Variants in MKLN1 observed in about 807,000 individuals in gnomAD.
MKLN1 encodes muskelin.
MKLN1 carries 18 observed loss-of-function variants against 99.0 expected under a neutral mutation model. The observed-to-expected ratio is 0.18, with a 90% confidence interval of 0.13 to 0.27. The LOEUF (loss-of-function observed/expected upper bound fraction) is 0.27. Among genes scored for constraint, MKLN1 ranks in the 10% least tolerant of loss-of-function variants. The pLI, the probability that MKLN1 is intolerant of heterozygous loss-of-function variation, is 1.00. For synonymous variants in MKLN1, 288 were observed against 293.2 expected (o/e 0.98, Z 0.18); for missense variants, 621 against 875.9 (o/e 0.71, Z 3.67).
At chr7:131,284,379 C>T (rs545231606) in intron 3 of MKLN1, among the ~76,000 whole-genome samples, 1 of 152,188 alleles carries the variant, frequency 6.6e-6, no homozygotes, top group Non-Finnish European at 1.5e-5. Context: ...AAATAGGCTA[C>T]AGGTGGTTCT....
chr7:131,479,839 T>C (rs1192666059), intron 17 of MKLN1, among the ~76,000 whole-genome samples: 1 of 112,504 alleles, frequency 8.9e-6, no homozygotes, highest in Non-Finnish European at 1.7e-5. Flanking sequence ...AAAATAATAA[T>C]AATAATAAAT....
chr7:131,198,648 G>A (rs1796683178), intron 2 of MKLN1, among the ~76,000 whole-genome samples: 1 of 152,106 alleles, frequency 6.6e-6, no homozygotes, highest in African/African-American at 2.4e-5. Flanking sequence ...TTTTTTAAAA[G>A]CAAATTTTGA....
intron 2 of MKLN1, among the ~76,000 whole-genome samples, chr7:131,148,491 A>G (rs56319649): frequency 0.051 from 7,818 of 152,294 alleles, 263 homozygotes; most frequent in Non-Finnish European, 0.079. Context: ...AAAACCATTC[A>G]GGGATGGACA....
chr7:131,484,738 G>GTA (rs958302716), intron 17 of MKLN1, among the ~76,000 whole-genome samples: 4 of 152,130 alleles, frequency 2.6e-5, no homozygotes, highest in Non-Finnish European at 5.9e-5. Context: ...TTTCAGTGAG[G>GTA]TATAGTCTAC....
intron 3 of MKLN1, among the ~76,000 whole-genome samples, chr7:131,210,045 CTATT>C (rs893144346): frequency 8.5e-5 from 13 of 152,132 alleles, no homozygotes; most frequent in African/African-American, 2.9e-4. Flanking sequence ...AAAAGTAAAA[CTATT>C]TGTTTAAATC....
Position 131,411,381 on chromosome 7 carries a change from A to G in MKLN1, c.779A>G (p.Lys260Arg). ...RWSQIIPKSTKGDGEDNRPGM... is the reference protein window; with the variant it reads ...RWSQIIPKSTRGDGEDNRPGM... ...AGTCAAATCATTCCCAAAAGTACCA[A>G]AGGTAAGCCATACCTTCTAGATTGT... Residue 260 changes from lysine to arginine, a missense_variant and splice_region_variant, in exon 7 of 18, where the codon AAA (lysine) becomes AGA (arginine). Around this residue, in one of 8 missense-constraint regions of MKLN1, gnomAD observed 361 missense variants for 540.8 expected, o/e 0.67. Coordinates refer to ENST00000352689, the MANE Select transcript of MKLN1 (RefSeq NM_013255.5). 6.3e-7 allele frequency: 1 copy of G among 1,594,706 alleles called. No homozygotes were observed. Among genetic ancestry groups the G allele is most frequent in the Non-Finnish European group, 8.6e-7 (1 of 1,162,390 alleles).
chr7:131,317,023 G>A (rs992862660), intron 3 of MKLN1, among the ~76,000 whole-genome samples: 1 of 152,142 alleles, frequency 6.6e-6, no homozygotes, highest in Non-Finnish European at 1.5e-5. Flanking sequence ...AACCAAGTTG[G>A]AAAACACACT....
At chr7:131,198,272 G>A (rs1183987235) in intron 2 of MKLN1, among the ~76,000 whole-genome samples, 1 of 152,180 alleles carries the variant, frequency 6.6e-6, no homozygotes, top group South Asian at 2.1e-4. Flanking sequence ...TCTTACCTAG[G>A]AACCTTGTCT....
rs539991628 is a variant in MKLN1, at chr7:131,238,810, G to A, written c.-179+35836G>A. ...CCCACCTTCACGTCTTCAACATGTG[G>A]CACTGACAGGCAATGACATCCTGCT... On this transcript the variant is annotated intron_variant, in intron 3 of 7. Transcript: ENST00000416992. 4.9e-4 allele frequency among the ~76,000 whole-genome samples: 74 copies of A among 152,314 alleles called. 2 individuals are homozygous for A. In the South Asian group the frequency reaches 0.015, roughly 31 times the overall value.
chr7:131,406,031 G>A lies in MKLN1; in HGVS notation c.704-5275G>A, dbSNP rs115125412. ...GTTAACACTTTCCACTATGATCATC[G>A]AATTATATGTTTCCTATAGTTGGTC... On this transcript the variant is annotated intron_variant, in intron 6 of 17. Coordinates refer to ENST00000352689, the MANE Select transcript of MKLN1 (RefSeq NM_013255.5). Among the ~76,000 whole-genome samples the A allele has an allele frequency of 4.7e-3, 717 of 152,018 alleles. 7 individuals carry two copies. Among genetic ancestry groups the A allele is most frequent in the African/African-American group, 0.016 (681 of 41,506 alleles).
At chr7:131,179,242 A>T (rs1228368898) in intron 2 of MKLN1, among the ~76,000 whole-genome samples, 1 of 152,218 alleles carries the variant, frequency 6.6e-6, no homozygotes, top group East Asian at 1.9e-4. Context: ...AACATCACAC[A>T]TAGACTGCAA....
intron 2 of MKLN1, among the ~76,000 whole-genome samples, chr7:131,186,656 A>C (rs1329242201): frequency 6.6e-6 from 1 of 152,234 alleles, no homozygotes; most frequent in Non-Finnish European, 1.5e-5. Context: ...CTAGCACGCC[A>C]GTTGCAAAGT....
intron 1 of MKLN1, among the ~76,000 whole-genome samples, chr7:131,336,401 A>G (rs1799252132): frequency 6.6e-6 from 1 of 152,008 alleles, no homozygotes; most frequent in African/African-American, 2.4e-5. Context: ...TAAATCTGAA[A>G]TATATTTAGC....
intron 10 of MKLN1, among the ~76,000 whole-genome samples, chr7:131,441,849 A>G (rs1795850350): frequency 1.3e-5 from 2 of 152,252 alleles, no homozygotes; most frequent in South Asian, 4.1e-4. Context: ...TTAATAAAAA[A>G]TGGAAATAGA....
At chr7:131,358,878 A>G (rs1287323307) in intron 1 of MKLN1, among the ~76,000 whole-genome samples, 1 of 151,974 alleles carries the variant, frequency 6.6e-6, no homozygotes, top group African/African-American at 2.4e-5. Context: ...TTTCATTTCT[A>G]ATATTGGTAA....
intron 6 of MKLN1, among the ~76,000 whole-genome samples, chr7:131,401,833 C>A (rs897988344): frequency 6.6e-6 from 1 of 152,010 alleles, no homozygotes; most frequent in African/African-American, 2.4e-5. Context: ...AATGCATATA[C>A]CTTAACTTAA....
chr7:131,399,022 T>C (rs1794446587), intron 5 of MKLN1, among the ~76,000 whole-genome samples: 1 of 152,218 alleles, frequency 6.6e-6, no homozygotes, highest in Admixed American at 6.5e-5. Context: ...TGGCTACATA[T>C]TTTGTGACCT....
Position 131,376,128 on chromosome 7 carries a change from A to ATATATATATATG in MKLN1, c.168+642_168+643insATATGTATATAT, listed in dbSNP as rs1793649898. Reference sequence around the variant, plus strand: ...TATATATATATATATATATATATATATATATATGTATGATGTATGTATTTT... The same window carrying ATATATATATATG: ...TATATATATATATATATATATATATATATATATATATGTATATATGTATGATGTATGTATTTT... On this transcript the variant is annotated intron_variant, in intron 2 of 17. Transcript: ENST00000352689. 5.9e-4 allele frequency among the ~76,000 whole-genome samples: 3 copies of ATATATATATATG among 5,112 alleles called. No individual in the cohort carries two copies. The Admixed American group carries it at 0.011, about 19-fold the overall frequency. The allele number at this position is 5,112 out of a possible 152,430, so 3.4% of individuals were successfully genotyped here. A position where few individuals can be genotyped will look rare whatever the true frequency, so the allele number is the denominator to read the frequency against.
chr7:131,111,307 A>G (rs1007998869), intron 1 of MKLN1, among the ~76,000 whole-genome samples: 2 of 152,230 alleles, frequency 1.3e-5, no homozygotes, highest in African/African-American at 4.8e-5. Flanking sequence ...AATGAATGGC[A>G]TCGGGTTAAA....
Sources: allele counts gnomAD v4.1 joint callset (sites outside exome capture counted in the v4.1 genomes callset), GRCh38; gene constraint gnomAD v4.1.1; regional missense constraint gnomAD v4.1.1; transcripts MANE v1.5; gene names NCBI Gene and HGNC (gene_info 2026-07-23, HGNC 2026-07-21).